TMPRSS4: variants seen among roughly 807,000 people sequenced by gnomAD.
TMPRSS4 encodes transmembrane serine protease 4.
In TMPRSS4, 45 loss-of-function variants were observed where a neutral mutation model predicts 56.4. The observed-to-expected ratio is 0.80, with a 90% confidence interval of 0.63 to 1.02. The LOEUF is 1.02. TMPRSS4 is among the 50% of genes least tolerant of loss of function. TMPRSS4 has a pLI of 0.00. For synonymous variants in TMPRSS4, 205 were observed against 211.0 expected (o/e 0.97, Z 0.25); for missense variants, 546 against 556.7 (o/e 0.98, Z 0.19).
At chr11:118,105,485 G>T (rs1946943886) in intron 5 of TMPRSS4, 1 of 152,074 alleles carries the variant, frequency 6.6e-6, no homozygotes, top group African/African-American at 2.4e-5. Flanking sequence ...TAAGTAACTT[G>T]CTAGGGTACT....
intron 3 of TMPRSS4, among the ~76,000 whole-genome samples, chr11:118,101,328 C>T (rs532924854): frequency 2.7e-4 from 41 of 152,248 alleles, no homozygotes; most frequent in Middle Eastern, 3.4e-3. Context: ...TTAGATTTAA[C>T]GCCACTACTC....
In TMPRSS4 at chr11:118,082,724, A is replaced by C. The variant is rs532611134; in HGVS notation, c.3+5419A>C. ...CCCAATGCTGCTCAGGGAAAAAAAA[A>C]CCCAAATTACCAGGAGACCATTAAC... On this transcript the variant is annotated intron_variant, in intron 1 of 12. Coordinates refer to ENST00000437212, the MANE Select transcript of TMPRSS4 (RefSeq NM_019894.4). 6.6e-5 allele frequency among the ~76,000 whole-genome samples: 10 copies of C among 152,224 alleles called. 1 individual carries two copies. Among genetic ancestry groups the C allele is most frequent in the Admixed American group, 1.3e-4 (2 of 15,294 alleles).
At chr11:118,082,778 T>G (rs949605067) in intron 1 of TMPRSS4, among the ~76,000 whole-genome samples, 2 of 152,030 alleles carry the variant, frequency 1.3e-5, no homozygotes, top group Non-Finnish European at 2.9e-5. Flanking sequence ...AGAGAGAATA[T>G]TATAAGTGGA....
At chr11:118,094,061 A>G (rs1285596271) in intron 1 of TMPRSS4, among the ~76,000 whole-genome samples, 1 of 152,204 alleles carries the variant, frequency 6.6e-6, no homozygotes, top group East Asian at 1.9e-4. Context: ...GGGTTTTTCC[A>G]ATGTTTAGCT....
At chr11:118,109,110 C>A (rs796805724) in intron 7 of TMPRSS4, among the ~76,000 whole-genome samples, 1 of 152,188 alleles carries the variant, frequency 6.6e-6, no homozygotes, top group African/African-American at 2.4e-5. Flanking sequence ...CAGTTTCCCC[C>A]TTCTACCATC....
rs7110006 is a variant in TMPRSS4 at position 118,091,813 on chromosome 11, G to A, written c.4-3003G>A. ...CAGTTGGGTGTGAATTACTGTTGACGTTATCCTAACTTGACTCTAGCTGCA... is the reference window on the plus strand; with the variant it reads ...CAGTTGGGTGTGAATTACTGTTGACATTATCCTAACTTGACTCTAGCTGCA... On this transcript the variant is annotated intron_variant, in intron 1 of 12. Transcript: ENST00000437212. 9.1e-3 allele frequency among the ~76,000 whole-genome samples: 1,393 copies of A among 152,288 alleles called. 18 individuals carry two copies. Among genetic ancestry groups the A allele is most frequent in the African/African-American group, 0.032 (1,333 of 41,540 alleles).
downstream of TMPRSS4, among the ~76,000 whole-genome samples, chr11:118,124,393 C>T (rs1947852626): frequency 6.8e-6 from 1 of 146,930 alleles, no homozygotes; most frequent in Non-Finnish European, 1.5e-5. Flanking sequence ...CAACAAAAAA[C>T]AAAACAAAAC....
At chr11:118,096,240 G>C (rs1946281079) in intron 2 of TMPRSS4, among the ~76,000 whole-genome samples, 1 of 152,242 alleles carries the variant, frequency 6.6e-6, no homozygotes, top group African/African-American at 2.4e-5. Flanking sequence ...CCAGGTCATA[G>C]TTCACAGGCA....
intron 1 of TMPRSS4, among the ~76,000 whole-genome samples, chr11:118,084,450 T>C (rs2135251522): frequency 6.6e-6 from 1 of 152,306 alleles, no homozygotes; most frequent in Non-Finnish European, 1.5e-5. Context: ...AAAGCACTAT[T>C]TATAGGATCC....
intron 4 of TMPRSS4, 113 bp downstream of exon 4, chr11:118,103,366 G>A (rs1946822869): frequency 6.3e-6 from 3 of 475,478 alleles, no homozygotes; most frequent in African/African-American, 3.6e-5. Flanking sequence ...CATCCTTGTT[G>A]TATAAGGTTC....
At chr11:118,102,402 G>C (rs73600154) in intron 3 of TMPRSS4, among the ~76,000 whole-genome samples, 1,989 of 152,280 alleles carry the variant, frequency 0.013, 40 homozygotes, top group African/African-American at 0.042. Flanking sequence ...AAGGGAAAGC[G>C]ATCCATATAA....
At chr11:118,109,029 C>T in intron 7 of TMPRSS4, 133 bp downstream of exon 7, 2 of 960,500 alleles carry the variant, frequency 2.1e-6, no homozygotes, top group Non-Finnish European at 1.6e-6. Context: ...TTGGGCTTGT[C>T]GGTCAATGCC....
intron 5 of TMPRSS4, chr11:118,105,984 C>T (rs1458579655): frequency 2.0e-5 from 3 of 152,212 alleles, no homozygotes; most frequent in Non-Finnish European, 4.4e-5. Flanking sequence ...ACTTCCATTA[C>T]CCTCTAGAAA....
Position 118,118,608 on chromosome 11 carries a change from G to A in TMPRSS4, c.*695G>A, listed in dbSNP as rs1411133720. 3.0e-6 allele frequency: 3 copies of A among 985,340 alleles called. No homozygotes were observed. The African/African-American group carries it at 5.2e-5, about 17-fold the overall frequency. 61.0% of individuals were successfully genotyped at this position (985,340 alleles called of 1,614,324 possible). On this transcript the variant is annotated 3_prime_UTR_variant, in exon 13 of 13. Transcript: ENST00000437212. ...TTAGGGAGACCAGATCTGCTGAGTGGCAGCAAGAGTGAGCTGCAGATTACA... is the reference window on the plus strand; with the variant it reads ...TTAGGGAGACCAGATCTGCTGAGTGACAGCAAGAGTGAGCTGCAGATTACA...
At chr11:118,123,046 T>C (rs1191393015), downstream of TMPRSS4, among the ~76,000 whole-genome samples, 1 of 152,114 alleles carries the variant, frequency 6.6e-6, no homozygotes, top group Non-Finnish European at 1.5e-5. Context: ...GACCTCCCAG[T>C]CTCCAGAACT....
chr11:118,089,868 A>G (rs1232764492), intron 1 of TMPRSS4, among the ~76,000 whole-genome samples: 1 of 152,022 alleles, frequency 6.6e-6, no homozygotes, highest in Non-Finnish European at 1.5e-5. Context: ...TTATTTTGAG[A>G]TGGAGTGTTG....
At position 118,120,268 on chromosome 11, in the gene TMPRSS4, G is replaced by A. The variant is rs1454023159; in HGVS notation, c.*2355G>A. On this transcript the variant is annotated 3_prime_UTR_variant, in exon 13 of 13. Coordinates refer to ENST00000437212, the MANE Select transcript of TMPRSS4 (RefSeq NM_019894.4). The stretch of plus-strand genomic sequence containing the variant: ...TTTGGCTATTGTGAATTATGCTGCT[G>A]TGAACATGGGTGTACAAGTATCTCT... The A allele has an allele frequency of 2.0e-5, 3 of 152,208 alleles. No individual in the cohort carries two copies. Among genetic ancestry groups the A allele is most frequent in the Non-Finnish European group, 2.9e-5 (2 of 68,036 alleles). 9.4% of individuals were successfully genotyped at this position (152,208 alleles called of 1,614,324 possible). A position where few individuals can be genotyped will look rare whatever the true frequency, so the allele number is the denominator to read the frequency against.
intron 1 of TMPRSS4, among the ~76,000 whole-genome samples, chr11:118,081,729 G>A (rs558966955): frequency 1.5e-4 from 23 of 151,624 alleles, no homozygotes; most frequent in African/African-American, 5.3e-4. Context: ...TGCTGTCTCA[G>A]TTTCTTCCTC....
chr11:118,108,949 G>C lies in TMPRSS4; in HGVS notation c.583+53G>C. ...GGGGCCTGGGCCAGCAATGAGCAGG[G>C]AGGAAGACCTTCATCTTCACTCCTA... On this transcript the variant is annotated intron_variant, in intron 7 of 12. Transcript: ENST00000437212. 3 of 1,588,720 alleles carry C rather than the reference G, an allele frequency of 1.9e-6. No homozygotes were observed. The Admixed American group carries it at 5.2e-5, about 28-fold the overall frequency.
Sources: allele counts gnomAD v4.1 joint callset (sites outside exome capture counted in the v4.1 genomes callset), GRCh38; gene constraint gnomAD v4.1.1; transcripts MANE v1.5; gene names NCBI Gene and HGNC (gene_info 2026-07-23, HGNC 2026-07-21).